KIAA0232: variants seen among roughly 807,000 people sequenced by gnomAD.
KIAA0232 encodes KIAA0232.
Under a neutral mutation model 122.0 loss-of-function variants are expected in KIAA0232, and 27 were observed. That is an observed-to-expected ratio of 0.22 (90% CI 0.16 to 0.31). KIAA0232 has a LOEUF of 0.31. Among genes scored for constraint, KIAA0232 ranks in the 10% least tolerant of loss-of-function variants. The pLI is 1.00. For missense variants in KIAA0232, 1,551 were observed against 1,634.2 expected (o/e 0.95, Z 0.88); for synonymous variants, 613 against 587.6 (o/e 1.04, Z -0.63).
chr4:6,787,038 G>A lies in KIAA0232; in HGVS notation c.-354+4197G>A, dbSNP rs569113749. Reference sequence around the variant, plus strand: ...TCTACTAAAAATACAAAAATTATCCGGGCATGGTGGAGCACGCCTATAGTC... The same window carrying A: ...TCTACTAAAAATACAAAAATTATCCAGGCATGGTGGAGCACGCCTATAGTC... On this transcript the variant is annotated intron_variant, in intron 1 of 9. Transcript: ENST00000307659. 4.6e-5 allele frequency among the ~76,000 whole-genome samples: 7 copies of A among 151,938 alleles called. No individual in the cohort carries two copies. The South Asian group carries it at 1.2e-3, about 27-fold the overall frequency.
chr4:6,826,767 G>C (rs1718707322), intron 3 of KIAA0232, among the ~76,000 whole-genome samples: 1 of 152,158 alleles, frequency 6.6e-6, no homozygotes, highest in African/African-American at 2.4e-5. Context: ...TTGTATGTCA[G>C]CTATTTTCAG....
chr4:6,812,697 C>T (rs549705616), intron 2 of KIAA0232, among the ~76,000 whole-genome samples: 18 of 152,184 alleles, frequency 1.2e-4, no homozygotes, highest in African/African-American at 1.9e-4. Context: ...TAATATATAT[C>T]GGCAAGTGAA....
chr4:6,863,345 A>C lies in KIAA0232; in HGVS notation c.2963A>C (p.Gln988Pro), dbSNP rs774858518. Residue 988 changes from glutamine (Q) to proline (P), a missense_variant, in exon 7 of 10, where the codon CAG becomes CCG. Gln to Pro is a moderately conservative substitution (Grantham distance 76). Transcript: ENST00000307659. ...AACAGTTTTGCTCCTGGGCACAGGC[A>C]GTTATGGAAACCCTTCGTGTCATTT... ...PGNSFAPGHR[Q>P]LWKPFVSFEQ... 1 of 1,614,088 alleles carries C rather than the reference A, an allele frequency of 6.2e-7. No individual in the cohort carries two copies. Among genetic ancestry groups the C allele is most frequent in the African/African-American group, 1.3e-5 (1 of 74,948 alleles).
At chr4:6,836,929 G>C (rs999169346) in intron 3 of KIAA0232, among the ~76,000 whole-genome samples, 3 of 152,158 alleles carry the variant, frequency 2.0e-5, no homozygotes, top group Admixed American at 6.5e-5. Flanking sequence ...ACAAAATGGA[G>C]TCTCCTGTCT....
intron 1 of KIAA0232, among the ~76,000 whole-genome samples, chr4:6,804,268 G>C (rs1377350085): frequency 6.6e-6 from 1 of 152,128 alleles, no homozygotes; most frequent in Non-Finnish European, 1.5e-5. Context: ...CCCTCCACCA[G>C]CCCCTGGAGT....
chr4:6,817,070 C>CT (rs891684181), intron 2 of KIAA0232, among the ~76,000 whole-genome samples: 1 of 152,004 alleles, frequency 6.6e-6, no homozygotes, highest in African/African-American at 2.4e-5. Flanking sequence ...CTGCTCTGAG[C>CT]TTTTTTCTGC....
intron 3 of KIAA0232, among the ~76,000 whole-genome samples, chr4:6,836,926 G>C (rs1719321725): frequency 6.6e-6 from 1 of 152,202 alleles, no homozygotes; most frequent in Non-Finnish European, 1.5e-5. Flanking sequence ...AGAACAAAAT[G>C]GAGTCTCCTG....
chr4:6,866,623 C>T (rs908138340), intron 7 of KIAA0232, among the ~76,000 whole-genome samples: 1 of 152,012 alleles, frequency 6.6e-6, no homozygotes, highest in African/African-American at 2.4e-5. Context: ...ATCTGGGAGG[C>T]CTGTTTAAAG....
chr4:6,803,505 A>G (rs1254538271), intron 1 of KIAA0232, among the ~76,000 whole-genome samples: 1 of 152,210 alleles, frequency 6.6e-6, no homozygotes, highest in Non-Finnish European at 1.5e-5. Context: ...ACTGGTAGTT[A>G]GAAAATACTT....
chr4:6,872,229 A>G (rs897457385), intron 8 of KIAA0232, among the ~76,000 whole-genome samples: 6 of 152,242 alleles, frequency 3.9e-5, no homozygotes, highest in African/African-American at 1.4e-4. Flanking sequence ...TGGAAATGGA[A>G]TTGAAAAACT....
chr4:6,783,541 G>A (rs1466572653), intron 1 of KIAA0232, among the ~76,000 whole-genome samples: 2 of 152,250 alleles, frequency 1.3e-5, no homozygotes, highest in East Asian at 3.9e-4. Flanking sequence ...TGGGCCGCTC[G>A]CTCGCGTTCC....
At chr4:6,800,838 C>T (rs1035752523) in intron 1 of KIAA0232, among the ~76,000 whole-genome samples, 1 of 152,132 alleles carries the variant, frequency 6.6e-6, no homozygotes, top group South Asian at 2.1e-4. Context: ...CTCCTGGGCT[C>T]ATCACTCTGA....
intron 1 of KIAA0232, among the ~76,000 whole-genome samples, chr4:6,802,702 G>A (rs1717439461): frequency 6.6e-6 from 1 of 152,006 alleles, no homozygotes; most frequent in Admixed American, 6.6e-5. Context: ...GACAGAAAGG[G>A]GATTTTGCTA....
intron 7 of KIAA0232, among the ~76,000 whole-genome samples, chr4:6,869,124 C>G (rs557749954): frequency 6.6e-6 from 1 of 152,166 alleles, no homozygotes; most frequent in South Asian, 2.1e-4. Flanking sequence ...GATCTAAACT[C>G]GTCTTGGTTC....
Position 6,792,271 on chromosome 4 carries a change from G to A in KIAA0232, c.-354+9430G>A, listed in dbSNP as rs917750997. On this transcript the variant is annotated intron_variant, in intron 1 of 9. Coordinates refer to ENST00000307659, the MANE Select transcript of KIAA0232 (RefSeq NM_014743.3). ...GAAGGTGCCTGAATTTATTTAACTA[G>A]TTGATATGAAGAGTTTCCAGGTTTT... Among the ~76,000 whole-genome samples the A allele has an allele frequency of 7.2e-5, 11 of 152,018 alleles. 1 individual carries two copies. Among genetic ancestry groups the A allele is most frequent in the Non-Finnish European group, 1.6e-4 (11 of 68,012 alleles).
At chr4:6,867,037 T>C (rs1337988027) in intron 7 of KIAA0232, among the ~76,000 whole-genome samples, 1 of 152,266 alleles carries the variant, frequency 6.6e-6, no homozygotes, top group Non-Finnish European at 1.5e-5. Context: ...AACAAGTAAA[T>C]GTTCACATGT....
Position 6,861,196 on chromosome 4 carries a change from A to C in KIAA0232, c.814A>C (p.Lys272Gln). 3 of 1,614,208 alleles carry C rather than the reference A, an allele frequency of 1.9e-6. No homozygotes were observed. Among genetic ancestry groups the C allele is most frequent in the Non-Finnish European group, 2.5e-6 (3 of 1,180,048 alleles). ...AATTGAAGAAAAGCCTGCTTTGTAC[A>C]AAAAGCAAATCCGACATAAACCTGA... ...GTIEEKPALY[K>Q]KQIRHKPEGK... Residue 272 changes from lysine to glutamine, a missense_variant, in exon 7 of 10, where the codon AAA (lysine) becomes CAA (glutamine). Transcript: ENST00000307659.
chr4:6,805,760 C>G (rs1233276823), intron 2 of KIAA0232, among the ~76,000 whole-genome samples: 1 of 152,000 alleles, frequency 6.6e-6, no homozygotes, highest in East Asian at 1.9e-4. Flanking sequence ...CATGTTGGAG[C>G]TTTTTGCATT....
chr4:6,805,157 T>C lies in KIAA0232; in HGVS notation c.-270+551T>C, dbSNP rs1431546920. 2.6e-5 allele frequency among the ~76,000 whole-genome samples: 4 copies of C among 152,236 alleles called. No individual in the cohort carries two copies. The South Asian group carries it at 6.2e-4, about 24-fold the overall frequency. ...TTATCCTTTAAATGATGACACTGTTTATTTAAATATCTTCCTAGGGTCCAG... is the reference window on the plus strand; with the variant it reads ...TTATCCTTTAAATGATGACACTGTTCATTTAAATATCTTCCTAGGGTCCAG... On this transcript the variant is annotated intron_variant, in intron 2 of 9. Transcript: ENST00000307659.
Sources: allele counts gnomAD v4.1 joint callset (sites outside exome capture counted in the v4.1 genomes callset), GRCh38; gene constraint gnomAD v4.1.1; transcripts MANE v1.5; gene names NCBI Gene and HGNC (gene_info 2026-07-23, HGNC 2026-07-21).